Variants in SVEP1 observed in about 807,000 individuals in gnomAD.
SVEP1 encodes sushi, von Willebrand factor type A, EGF and pentraxin domain containing 1, also known as sushi, von Willebrand factor type A, EGF and pentraxin domain-containing protein 1.
SVEP1 carries 164 observed loss-of-function variants against 367.3 expected under a neutral mutation model. The observed-to-expected ratio is 0.45, with a 90% CI of 0.39 to 0.51. The LOEUF is 0.51. SVEP1 is among the 20% of genes least tolerant of loss of function. The pLI is 0.00. For missense variants in SVEP1, 4,117 were observed against 4,425.3 expected, an observed-to-expected ratio of 0.93 and a Z score of 1.98; for synonymous variants, 1,666 against 1,611.6, an observed-to-expected ratio of 1.03 and a Z score of -0.81.
intron 1 of SVEP1, among the ~76,000 whole-genome samples, chr9:110,561,771 T>C (rs1830430577): frequency 6.6e-6 from 1 of 152,186 alleles, no homozygotes; most frequent in South Asian, 2.1e-4. Flanking sequence ...GGAAACAGTA[T>C]TCTGCAGTAA....
At chr9:110,443,780 T>C in intron 26 of SVEP1, 60 bp from the exon 27 acceptor site, 2 of 1,369,330 alleles carry the variant, frequency 1.5e-6, no homozygotes, top group Non-Finnish European at 1.9e-6. Flanking sequence ...ATCCTTACTG[T>C]GGGGCATGCT....
intron 32 of SVEP1, 61 bp from the exon 33 acceptor site, chr9:110,430,511 A>C: frequency 1.4e-5 from 21 of 1,489,972 alleles, no homozygotes; most frequent in Non-Finnish European, 1.8e-5. Flanking sequence ...GCAAAGTCTC[A>C]CAGCAAAAGA....
Position 110,407,501 on chromosome 9 carries a change from T to C in SVEP1, c.8099A>G (p.Gln2700Arg), listed in dbSNP as rs754598570. ...ACTGCCATTCCAAGTTCCATCTTCC[T>C]GGCAGATCAGCACAGGGTTCCCCAG... Reference protein sequence around the residue: ...ELLGNPVLICQEDGTWNGSAP... With the variant: ...ELLGNPVLICREDGTWNGSAP... The change falls in exon 38 of 48, where the codon CAG becomes CGG. Residue 2700 changes from glutamine to arginine, a missense_variant. By Grantham distance (43) the Gln-to-Arg change is conservative. Around this residue, in one of 4 missense-constraint regions of SVEP1, gnomAD observed 1,765 missense variants for 1,781.1 expected, o/e 0.99. Transcript: ENST00000374469. The C allele has an allele frequency of 1.7e-5, 27 of 1,614,012 alleles. No individual in the cohort carries two copies. In the East Asian group the frequency reaches 6.0e-4, roughly 36 times the overall value.
intron 36 of SVEP1, 118 bp downstream of exon 36, chr9:110,427,473 C>T: frequency 8.1e-7 from 1 of 1,231,656 alleles, no homozygotes; most frequent in Non-Finnish European, 1.1e-6. Flanking sequence ...GCATAAGGCT[C>T]TCTTTGTCTT....
chr9:110,545,453 A>G (rs1830208210), intron 3 of SVEP1, among the ~76,000 whole-genome samples: 1 of 152,172 alleles, frequency 6.6e-6, no homozygotes. Flanking sequence ...TTTTGATAGT[A>G]GTCATTCCAA....
intron 1 of SVEP1, among the ~76,000 whole-genome samples, chr9:110,570,467 C>CGTGTGTGTGTGTGT (rs59503025): frequency 0.042 from 6,133 of 146,886 alleles, 148 homozygotes; most frequent in East Asian, 0.068. Flanking sequence ...GTTTCTGTTG[C>CGTGTGTGTGTGTGT]GTGTGTGTGT....
intron 3 of SVEP1, among the ~76,000 whole-genome samples, chr9:110,534,251 T>G (rs1830054520): frequency 6.6e-6 from 1 of 152,140 alleles, no homozygotes; most frequent in East Asian, 1.9e-4. Context: ...ATCATTTAGC[T>G]CCCACTTACA....
At chr9:110,503,717 G>A (rs933969247) in intron 5 of SVEP1, among the ~76,000 whole-genome samples, 1 of 152,192 alleles carries the variant, frequency 6.6e-6, no homozygotes, top group Non-Finnish European at 1.5e-5. Flanking sequence ...GCCATCTTCG[G>A]TTGTGGTATT....
intron 18 of SVEP1, among the ~76,000 whole-genome samples, chr9:110,462,971 A>G (rs1329515447): frequency 6.6e-6 from 1 of 152,062 alleles, no homozygotes; most frequent in Non-Finnish European, 1.5e-5. Context: ...TTCTCTTACC[A>G]CACACACCCA....
Position 110,408,502 on chromosome 9 carries a change from G to A in SVEP1, c.7098C>T (p.Ser2366=). ...QGPSVLKCLP[S]QQWNDSFPVC... The stretch of plus-strand genomic sequence containing the variant: ...CAGGGAAAGAGTCATTCCATTGCTG[G>A]GATGGCAAGCATTTCAGGACAGAGG... The change falls in exon 38 of 48, where the codon TCC becomes TCT. Residue 2366 remains serine, a synonymous_variant. Coordinates refer to ENST00000374469, the MANE Select transcript of SVEP1 (RefSeq NM_153366.4). 8 of 1,613,750 alleles carry A rather than the reference G, an allele frequency of 5.0e-6. No individual in the cohort carries two copies. Among genetic ancestry groups the A allele is most frequent in the African/African-American group, 2.7e-5 (2 of 74,962 alleles).
chr9:110,397,044 A>C (rs1358322958), intron 40 of SVEP1, among the ~76,000 whole-genome samples: 1 of 152,184 alleles, frequency 6.6e-6, no homozygotes, highest in Non-Finnish European at 1.5e-5. Context: ...CAACCAAAAA[A>C]GAGAATTTTA....
At chr9:110,388,567 C>G (rs554789381) in intron 41 of SVEP1, among the ~76,000 whole-genome samples, 18 of 152,150 alleles carry the variant, frequency 1.2e-4, no homozygotes, top group Non-Finnish European at 2.1e-4. Context: ...AGAGTTGAGT[C>G]CCTGGACCAG....
chr9:110,449,959 G>A, intron 24 of SVEP1, 100 bp downstream of exon 24: 1 of 1,345,644 alleles, frequency 7.4e-7, no homozygotes, highest in Non-Finnish European at 1.0e-6. Context: ...ATTTGAGAAT[G>A]ACTGACTTGA....
chr9:110,486,631 TTCTCTTTCTC>T (rs1268178422), intron 9 of SVEP1, among the ~76,000 whole-genome samples: 1 of 139,064 alleles, frequency 7.2e-6, no homozygotes, highest in Non-Finnish European at 1.5e-5. Context: ...TTCTCCTTCC[TTCTCTTTCTC>T]TCTCTCTCTC....
chr9:110,475,214 T>C (rs1208853600), intron 14 of SVEP1, among the ~76,000 whole-genome samples: 1 of 152,304 alleles, frequency 6.6e-6, no homozygotes, highest in South Asian at 2.1e-4. Context: ...TAATGCTAAA[T>C]CACCAAAAAT....
At chr9:110,457,155 G>A (rs1318248857) in intron 21 of SVEP1, 101 bp downstream of exon 21, 3 of 950,960 alleles carry the variant, frequency 3.2e-6, no homozygotes, top group Middle Eastern at 3.0e-4. Context: ...ATGGTCTAAT[G>A]TATCTTATCG....
intron 1 of SVEP1, among the ~76,000 whole-genome samples, chr9:110,569,864 C>G (rs1830533811): frequency 6.6e-6 from 1 of 152,172 alleles, no homozygotes; most frequent in Non-Finnish European, 1.5e-5. Flanking sequence ...TTGCTTCACC[C>G]TTTACAGAAA....
chr9:110,539,569 T>C (rs1249684437), intron 3 of SVEP1, among the ~76,000 whole-genome samples: 1 of 151,712 alleles, frequency 6.6e-6, no homozygotes, highest in Non-Finnish European at 1.5e-5. Context: ...ATAATAAATA[T>C]TGATAATATT....
chr9:110,476,838 G>A (rs1267008798), intron 13 of SVEP1, among the ~76,000 whole-genome samples: 1 of 152,106 alleles, frequency 6.6e-6, no homozygotes, highest in Non-Finnish European at 1.5e-5. Flanking sequence ...AGGCCTGAAG[G>A]TGGAGGAAGG....
Sources: gnomAD v4.1 joint callset for allele counts (sites outside exome capture counted in the v4.1 genomes callset) on GRCh38, gnomAD v4.1.1 for gene constraint, gnomAD v4.1.1 regional missense constraint, MANE v1.5 for transcripts, NCBI Gene and HGNC (gene_info 2026-07-23, HGNC 2026-07-21) for gene names.